The following MACROD2 variants were observed in gnomAD, a reference collection of about 807,000 sequenced individuals.
The protein encoded by MACROD2 is mono-ADP ribosylhydrolase 2, also known as ADP-ribose glycohydrolase MACROD2.
In MACROD2, 36 loss-of-function variants were observed where a neutral mutation model predicts 70.4. The ratio of observed to expected loss-of-function variants is 0.51; its 90% CI spans 0.39 to 0.68. MACROD2 has a LOEUF of 0.68. Ranked by LOEUF, MACROD2 falls within the 30% of genes least tolerant of loss-of-function variation. The pLI, the probability that MACROD2 is intolerant of heterozygous loss-of-function variation, is 0.00. For synonymous variants in MACROD2, 172 were observed against 178.8 expected (o/e 0.96, Z 0.30); for missense variants, 496 against 538.4 (o/e 0.92, Z 0.78).
In MACROD2 at chr20:15,873,387, TG is replaced by T. The variant is rs1260151845; in HGVS notation, c.727+10562del. Among the ~76,000 whole-genome samples, 16 of 152,092 alleles carry T rather than the reference TG, an allele frequency of 1.1e-4. No homozygotes were observed. In the Middle Eastern group the frequency reaches 0.01, roughly 97 times the overall value. ...GTTTTGATGTTAGCACTTTTATACA[TG>T]AAAAAAAGGTAATTAATGGGTAACA... is the stretch of plus-strand genomic sequence containing the variant. On this transcript the variant is annotated intron_variant, in intron 9 of 17. Transcript: ENST00000684519.
chr20:15,019,719 G>A (rs1004388895), intron 5 of MACROD2, among the ~76,000 whole-genome samples: 1 of 152,088 alleles, frequency 6.6e-6, no homozygotes, highest in Admixed American at 6.5e-5. Context: ...GGGAGAAGAA[G>A]AAAAACAGTT....
chr20:14,544,118 T>C (rs1683346295), intron 4 of MACROD2, among the ~76,000 whole-genome samples: 1 of 152,170 alleles, frequency 6.6e-6, no homozygotes, highest in Non-Finnish European at 1.5e-5. Flanking sequence ...GGAGGAATGT[T>C]CCATGTTGAT....
chr20:14,422,226 A>G (rs1162204290), intron 3 of MACROD2, among the ~76,000 whole-genome samples: 1 of 152,118 alleles, frequency 6.6e-6, no homozygotes, highest in Non-Finnish European at 1.5e-5. Context: ...AACCCCAACT[A>G]TCTTTTGGTT....
intron 8 of MACROD2, among the ~76,000 whole-genome samples, chr20:15,690,993 G>A (rs1176608417): frequency 3.3e-5 from 5 of 152,106 alleles, no homozygotes; most frequent in Non-Finnish European, 7.4e-5. Context: ...CCTACTTTAG[G>A]TATATGAGAA....
At chr20:14,852,854 A>G (rs2073213485) in intron 5 of MACROD2, among the ~76,000 whole-genome samples, 1 of 152,144 alleles carries the variant, frequency 6.6e-6, no homozygotes, top group African/African-American at 2.4e-5. Flanking sequence ...ATTCTGTTCA[A>G]CAAACTTATC....
At chr20:15,815,805 C>A (rs2063867715) in intron 8 of MACROD2, among the ~76,000 whole-genome samples, 1 of 151,984 alleles carries the variant, frequency 6.6e-6, no homozygotes, top group Non-Finnish European at 1.5e-5. Context: ...AGCTTGTTGC[C>A]ACTGATAAGT....
At chr20:15,301,611 T>C (rs1304038359) in intron 6 of MACROD2, among the ~76,000 whole-genome samples, 3 of 146,456 alleles carry the variant, frequency 2.0e-5, no homozygotes, top group Non-Finnish European at 4.5e-5. Flanking sequence ...TTTTTTTTTT[T>C]TTTGTAGAGA....
chr20:14,902,178 T>C (rs191208651), intron 5 of MACROD2, among the ~76,000 whole-genome samples: 13 of 152,360 alleles, frequency 8.5e-5, no homozygotes, highest in African/African-American at 2.9e-4. Flanking sequence ...TTAATCCTTG[T>C]AGGAATACAA....
In MACROD2 at chr20:15,679,098, G is replaced by A. The variant is rs905376884; in HGVS notation, c.645+179251G>A. On this transcript the variant is annotated intron_variant, in intron 8 of 17. Coordinates refer to ENST00000684519, the MANE Select transcript of MACROD2 (RefSeq NM_001351661.2). ...CTAAAAATACAAAAATTAGCTGGGT[G>A]TAGTGGCACATGTCTATAGTCCTGG... 2.6e-5 allele frequency among the ~76,000 whole-genome samples: 4 copies of A among 152,096 alleles called. No individual in the cohort carries two copies. The East Asian group carries it at 5.8e-4, about 22-fold the overall frequency.
chr20:16,018,071 C>T (rs897180459), intron 15 of MACROD2, among the ~76,000 whole-genome samples: 1 of 152,154 alleles, frequency 6.6e-6, no homozygotes, highest in African/African-American at 2.4e-5. Context: ...TAGCCCTCTT[C>T]ATCAAATTCA....
At chr20:15,766,185 A>C (rs2147006583) in intron 8 of MACROD2, among the ~76,000 whole-genome samples, 1 of 152,226 alleles carries the variant, frequency 6.6e-6, no homozygotes, top group South Asian at 2.1e-4. Context: ...CTTAGAAGCA[A>C]AGTTCTGCTC....
chr20:14,187,625 T>G (rs2081355481), intron 3 of MACROD2, among the ~76,000 whole-genome samples: 1 of 152,178 alleles, frequency 6.6e-6, no homozygotes, highest in African/African-American at 2.4e-5. Flanking sequence ...CAACTAAAAT[T>G]TTGTTAAATA....
chr20:14,074,901 G>A (rs910068099), intron 2 of MACROD2, among the ~76,000 whole-genome samples: 2 of 152,134 alleles, frequency 1.3e-5, no homozygotes, highest in Admixed American at 1.3e-4. Context: ...ATGAACTCTT[G>A]TGCTATCTAC....
At chr20:15,906,698 A>G (rs2065152350) in intron 10 of MACROD2, among the ~76,000 whole-genome samples, 1 of 151,974 alleles carries the variant, frequency 6.6e-6, no homozygotes, top group Admixed American at 6.6e-5. Flanking sequence ...ATTTGACTTT[A>G]CTGCCCTTGA....
At chr20:15,844,706 C>A (rs980079066) in intron 8 of MACROD2, among the ~76,000 whole-genome samples, 1 of 152,134 alleles carries the variant, frequency 6.6e-6, no homozygotes, top group Non-Finnish European at 1.5e-5. Flanking sequence ...TCCTTCTCAA[C>A]CCCCACCATT....
At chr20:15,697,193 C>T (rs1442942783) in intron 8 of MACROD2, among the ~76,000 whole-genome samples, 2 of 152,102 alleles carry the variant, frequency 1.3e-5, no homozygotes, top group African/African-American at 4.8e-5. Context: ...GCATTTAGGG[C>T]TATGAACTTT....
chr20:14,196,725 A>G (rs1024327505), intron 3 of MACROD2, among the ~76,000 whole-genome samples: 1 of 152,188 alleles, frequency 6.6e-6, no homozygotes, highest in Non-Finnish European at 1.5e-5. Flanking sequence ...GACTCTGGCT[A>G]TTTTTTATTT....
intron 8 of MACROD2, among the ~76,000 whole-genome samples, chr20:15,756,757 T>A (rs1307256249): frequency 1.3e-5 from 2 of 152,172 alleles, no homozygotes; most frequent in Non-Finnish European, 2.9e-5. Context: ...AAAAACAAGT[T>A]AGAAATGTTT....
Position 14,019,572 on chromosome 20 carries a change from T to TG in MACROD2, c.163+17171dup, listed in dbSNP as rs201370627. On this transcript the variant is annotated intron_variant, in intron 2 of 17. Coordinates refer to ENST00000684519, the MANE Select transcript of MACROD2 (RefSeq NM_001351661.2). The stretch of plus-strand genomic sequence containing the variant: ...ACAGTTGTGAGCCACTGCGCCTAGC[T>TG]GGGTAGTGTTTTTTTGAAAGTAGTT... 6.9e-3 allele frequency among the ~76,000 whole-genome samples: 1,046 copies of TG among 152,186 alleles called. 4 individuals are homozygous for TG. The highest frequency in any genetic ancestry group is 0.014 in the South Asian group (69 of 4,820).
Sources: allele counts gnomAD v4.1 joint callset (sites outside exome capture counted in the v4.1 genomes callset), GRCh38; gene constraint gnomAD v4.1.1; transcripts MANE v1.5; gene names NCBI Gene and HGNC (gene_info 2026-07-23, HGNC 2026-07-21).